ARHGEF4: variants seen among roughly 807,000 people sequenced by gnomAD.
The protein encoded by ARHGEF4 is APC-stimulated guanine nucleotide exchange factor 1.
In ARHGEF4, 119 loss-of-function variants were observed where a neutral mutation model predicts 162.0. The observed-to-expected ratio is 0.73, with a 90% confidence interval of 0.63 to 0.86. The LOEUF is 0.86. Ranked by LOEUF, ARHGEF4 falls within the 40% of genes least tolerant of loss-of-function variation. ARHGEF4 has a pLI of 0.00. For synonymous variants in ARHGEF4, 1,014 were observed against 979.9 expected, an observed-to-expected ratio of 1.03 and a Z score of -0.65; for missense variants, 2,488 against 2,456.0, an observed-to-expected ratio of 1.01 and a Z score of -0.28.
rs527734596 is a variant in ARHGEF4 at position 130,931,100 on chromosome 2, G to A, written c.3701G>A (p.Arg1234His). ...ALLCISAETV[R>H]GEAPSQPRGI... ...CTCTGCATCTCTGCAGAGACTGTGC[G>A]TGGGGAGGCTCCTTCACAGCCTAGG... is the stretch of plus-strand genomic sequence containing the variant. The change falls in exon 3 of 14, where the codon CGT becomes CAT. Residue 1234 changes from arginine (R) to histidine (H), a missense_variant. Arg to His is a conservative substitution (Grantham distance 29). Transcript: ENST00000409359. 53 of 1,614,178 alleles carry A rather than the reference G, an allele frequency of 3.3e-5. 1 individual carries two copies. Among genetic ancestry groups the A allele is most frequent in the Middle Eastern group, 3.3e-4 (2 of 6,046 alleles).
chr2:130,894,048 C>T (rs1363495664), intron 1 of ARHGEF4, among the ~76,000 whole-genome samples: 1 of 152,232 alleles, frequency 6.6e-6, no homozygotes. Context: ...GAGGCAGGCA[C>T]CGGCACATCA....
intron 4 of ARHGEF4, among the ~76,000 whole-genome samples, chr2:131,020,108 T>C (rs1489411288): frequency 1.3e-5 from 2 of 152,248 alleles, no homozygotes; most frequent in Non-Finnish European, 2.9e-5. Context: ...TAAGGTATGC[T>C]ACATGTAAGA....
At chr2:131,005,695 G>A (rs1401065518) in intron 4 of ARHGEF4, among the ~76,000 whole-genome samples, 3 of 152,180 alleles carry the variant, frequency 2.0e-5, no homozygotes, top group Non-Finnish European at 4.4e-5. Context: ...GGAGGGGAGG[G>A]GCGGGAGTGC....
rs573780483 is a variant in ARHGEF4 at position 131,001,705 on chromosome 2, A to AG, written c.3986-26238dup. On this transcript the variant is annotated intron_variant, in intron 4 of 13. Coordinates refer to ENST00000409359, the MANE Select transcript of ARHGEF4 (RefSeq NM_001367493.1). ...CAGGCAGCTGTGTGCTGAGGCTTCG[A>AG]GGTTATACCCAAGAAACATGGAAAC... Among the ~76,000 whole-genome samples the AG allele has an allele frequency of 5.0e-3, 760 of 152,332 alleles. 2 individuals carry two copies. Among genetic ancestry groups the AG allele is most frequent in the African/African-American group, 0.018 (730 of 41,568 alleles).
intron 4 of ARHGEF4, among the ~76,000 whole-genome samples, chr2:130,981,488 G>A (rs1240086172): frequency 6.6e-6 from 1 of 151,906 alleles, no homozygotes; most frequent in East Asian, 1.9e-4. Flanking sequence ...GTGAAACCCC[G>A]TTTCTACAAA....
rs188460770 is a variant in ARHGEF4, at chr2:130,933,494, G to A, written c.3858+2237G>A. Among the ~76,000 whole-genome samples, 347 of 152,200 alleles carry A rather than the reference G, an allele frequency of 2.3e-3. 2 individuals carry two copies. The highest frequency in any genetic ancestry group is 7.9e-3 in the African/African-American group (328 of 41,524). ...TTGGGATTTCCATAGGATTGCATTC[G>A]ATCTGTAGATCACTTGGGAGAGTAG... On this transcript the variant is annotated intron_variant, in intron 3 of 13. Coordinates refer to ENST00000409359, the MANE Select transcript of ARHGEF4 (RefSeq NM_001367493.1).
chr2:130,914,531 G>A lies in ARHGEF4; in HGVS notation c.585G>A (p.Glu195=). The part of the protein sequence containing the change: ...LQRATDSSGP[E]PVQGVAVQDL... ...GGGCCACAGACAGCAGTGGTCCTGA[G>A]CCAGTACAGGGGGTGGCTGTTCAAG... The change falls in exon 2 of 14, where the codon GAG becomes GAA. Residue 195 remains glutamate, a synonymous_variant. Transcript: ENST00000409359. 1 of 1,422,796 alleles carries A rather than the reference G, an allele frequency of 7.0e-7. No homozygotes were observed. Among genetic ancestry groups the A allele is most frequent in the Admixed American group, 3.0e-5 (1 of 33,358 alleles). The allele number at this position is 1,422,796 out of a possible 1,614,324, so 88.1% of individuals were successfully genotyped here.
rs1681423538 is a variant in ARHGEF4, at chr2:130,915,475, ATG to A, written c.1532_1533del (p.Val511AlafsTer18). 6.4e-7 allele frequency: 1 copy of A among 1,550,422 alleles called. No homozygotes were observed. On this transcript the variant is annotated frameshift_variant, in exon 2 of 14. Coordinates refer to ENST00000409359, the MANE Select transcript of ARHGEF4 (RefSeq NM_001367493.1). LOFTEE classifies it high-confidence loss of function. ...CAAACCAGTAATTACACATCAAAGT[ATG>A]TGCTCAGCGAGGAAAGCAAGTCACC...
At chr2:130,992,356 C>G (rs184963960) in intron 4 of ARHGEF4, among the ~76,000 whole-genome samples, 3 of 152,108 alleles carry the variant, frequency 2.0e-5, no homozygotes, top group Non-Finnish European at 4.4e-5. Context: ...ACTGCTCACT[C>G]TTTGGGTCCA....
At chr2:130,898,279 G>T (rs16856319) in intron 1 of ARHGEF4, among the ~76,000 whole-genome samples, 1 of 152,136 alleles carries the variant, frequency 6.6e-6, no homozygotes, top group Non-Finnish European at 1.5e-5. Context: ...GCCGGGCACC[G>T]CTGCGTTCAC....
intron 4 of ARHGEF4, among the ~76,000 whole-genome samples, chr2:130,982,707 T>C (rs1362654292): frequency 6.6e-6 from 1 of 152,024 alleles, no homozygotes; most frequent in African/African-American, 2.4e-5. Flanking sequence ...CTTTATAACC[T>C]TCCTTACCAA....
intron 1 of ARHGEF4, among the ~76,000 whole-genome samples, chr2:130,841,263 G>A (rs1035481794): frequency 8.6e-5 from 13 of 151,770 alleles, no homozygotes; most frequent in Admixed American, 4.6e-4. Flanking sequence ...ATGGGATTTC[G>A]CTATGCTGGC....
intron 4 of ARHGEF4, among the ~76,000 whole-genome samples, chr2:130,979,734 T>TA (rs776769283): frequency 0.14 from 12,846 of 92,648 alleles, 1,167 homozygotes; most frequent in South Asian, 0.28. Context: ...AGACTCCATC[T>TA]AAAAAAAAAA....
intron 6 of ARHGEF4, chr2:131,039,337 G>A: frequency 1.7e-6 from 2 of 1,185,058 alleles, no homozygotes; most frequent in Non-Finnish European, 2.1e-6. Context: ...AAGCCCTGAA[G>A]AGCACTGATA....
At chr2:131,023,961 T>A (rs910090825) in intron 4 of ARHGEF4, among the ~76,000 whole-genome samples, 1 of 151,642 alleles carries the variant, frequency 6.6e-6, no homozygotes, top group African/African-American at 2.4e-5. Context: ...AGGAATGGAG[T>A]ATTAATACAC....
At chr2:130,959,955 C>A (rs1316169957) in intron 4 of ARHGEF4, among the ~76,000 whole-genome samples, 1 of 152,226 alleles carries the variant, frequency 6.6e-6, no homozygotes, top group Non-Finnish European at 1.5e-5. Flanking sequence ...ACCACCTTCA[C>A]ATCATCAAGC....
Position 130,915,136 on chromosome 2 carries a change from C to T in ARHGEF4, c.1190C>T (p.Ala397Val), listed in dbSNP as rs552048049. 8.0e-5 allele frequency: 124 copies of T among 1,550,660 alleles called. No individual in the cohort carries two copies. The African/African-American group carries it at 1.6e-3, about 20-fold the overall frequency. The change falls in exon 2 of 14, where the codon GCT becomes GTT. Residue 397 changes from alanine (A) to valine (V), a missense_variant. By Grantham distance (64) the Ala-to-Val change is moderately conservative. Transcript: ENST00000409359. ...CCGATTCCTGCTTTTCAGAGTGGGG[C>T]TCCCCATCTGCAGGGTCCCTGCAAG... ...SGPIPAFQSG[A>V]PHLQGPCKPG...
intron 4 of ARHGEF4, among the ~76,000 whole-genome samples, chr2:130,974,192 A>G (rs1218736848): frequency 1.3e-5 from 2 of 150,588 alleles, no homozygotes; most frequent in Non-Finnish European, 3.0e-5. Context: ...GGATTGCTTG[A>G]CCCTGGGAGA....
chr2:130,851,076 G>A (rs767926746), intron 1 of ARHGEF4, among the ~76,000 whole-genome samples: 40 of 152,390 alleles, frequency 2.6e-4, no homozygotes, highest in Non-Finnish European at 5.1e-4. Flanking sequence ...CTGTGGGAGC[G>A]CAGGCAGGAC....
Sources: allele counts gnomAD v4.1 joint callset (sites outside exome capture counted in the v4.1 genomes callset), GRCh38; gene constraint gnomAD v4.1.1; transcripts MANE v1.5; gene names NCBI Gene and HGNC (gene_info 2026-07-23, HGNC 2026-07-21).